The following KDM4C variants were observed in gnomAD, a reference collection of about 807,000 sequenced individuals.
The protein encoded by KDM4C is lysine-specific demethylase 4C.
In KDM4C, 81 loss-of-function variants were observed where a neutral mutation model predicts 129.3. The ratio of observed to expected loss-of-function variants is 0.63; its 90% CI spans 0.52 to 0.75. The LOEUF (loss-of-function observed/expected upper bound fraction) is 0.75, where lower values mean the gene tolerates loss of function less well. KDM4C is among the 30% of genes least tolerant of loss of function. KDM4C has a pLI of 0.00. For synonymous variants in KDM4C, 573 were observed against 456.1 expected (o/e 1.26, Z -3.26); for missense variants, 1,457 against 1,304.0 (o/e 1.12, Z -1.81).
intron 3 of KDM4C, among the ~76,000 whole-genome samples, chr9:6,812,224 A>G (rs1209212028): frequency 5.3e-5 from 8 of 151,552 alleles, no homozygotes; most frequent in African/African-American, 1.9e-4. Context: ...GTGACAGAAC[A>G]AGACTCTCAA....
chr9:6,755,456 G>A (rs1293560155), upstream of KDM4C, among the ~76,000 whole-genome samples: 1 of 150,670 alleles, frequency 6.6e-6, no homozygotes, highest in Non-Finnish European at 1.5e-5. Context: ...CACAAGGCAC[G>A]AGAATTGCTT....
At chr9:6,995,832 C>A (rs369819904) in intron 12 of KDM4C, among the ~76,000 whole-genome samples, 1 of 152,170 alleles carries the variant, frequency 6.6e-6, no homozygotes, top group South Asian at 2.1e-4. Flanking sequence ...CCACCACGCC[C>A]GGCTAATTTT....
At chr9:7,106,632 C>T (rs1817879158) in intron 18 of KDM4C, among the ~76,000 whole-genome samples, 1 of 152,054 alleles carries the variant, frequency 6.6e-6, no homozygotes, top group African/African-American at 2.4e-5. Context: ...GAAAATTCAA[C>T]TATTCCATTA....
intron 1 of KDM4C, among the ~76,000 whole-genome samples, chr9:6,776,173 C>T (rs968502549): frequency 6.6e-6 from 1 of 152,202 alleles, no homozygotes; most frequent in Non-Finnish European, 1.5e-5. Flanking sequence ...AAGCCTTGAA[C>T]TCCTGGGCTC....
At chr9:6,953,186 T>C (rs902060272) in intron 8 of KDM4C, among the ~76,000 whole-genome samples, 17 of 152,238 alleles carry the variant, frequency 1.1e-4, no homozygotes, top group African/African-American at 4.1e-4. Flanking sequence ...TGGATATTTA[T>C]TATGAAAAGC....
chr9:7,132,483 T>G (rs943822004), intron 19 of KDM4C, among the ~76,000 whole-genome samples: 1 of 152,114 alleles, frequency 6.6e-6, no homozygotes, highest in Non-Finnish European at 1.5e-5. Flanking sequence ...TGCAAAAAAT[T>G]CTTTCTCAAC....
At chr9:6,933,123 T>C (rs1001402801) in intron 8 of KDM4C, among the ~76,000 whole-genome samples, 7 of 152,358 alleles carry the variant, frequency 4.6e-5, no homozygotes, top group Middle Eastern at 6.8e-3. Context: ...TAATACTATA[T>C]TTAAATGACA....
intron 19 of KDM4C, among the ~76,000 whole-genome samples, chr9:7,136,569 C>T (rs113288043): frequency 3.3e-5 from 5 of 152,316 alleles, no homozygotes; most frequent in African/African-American, 1.2e-4. Flanking sequence ...TTATGTTTCC[C>T]TATTGACTAA....
intron 8 of KDM4C, among the ~76,000 whole-genome samples, chr9:6,952,063 A>G (rs1369894832): frequency 6.6e-6 from 1 of 152,204 alleles, no homozygotes; most frequent in Non-Finnish European, 1.5e-5. Flanking sequence ...GGGCTTAAAA[A>G]ATACATTGTT....
chr9:6,863,288 G>A (rs1480593929), intron 5 of KDM4C, among the ~76,000 whole-genome samples: 1 of 152,010 alleles, frequency 6.6e-6, no homozygotes, highest in African/African-American at 2.4e-5. Context: ...GCTTCATACT[G>A]GAGTTATGTG....
chr9:6,784,699 C>T (rs1053682748), intron 1 of KDM4C, among the ~76,000 whole-genome samples: 1 of 152,144 alleles, frequency 6.6e-6, no homozygotes, highest in Non-Finnish European at 1.5e-5. Flanking sequence ...TGGGATGAAA[C>T]GGATGAAATA....
At chr9:6,957,418 C>G (rs1829258138) in intron 8 of KDM4C, among the ~76,000 whole-genome samples, 1 of 152,138 alleles carries the variant, frequency 6.6e-6, no homozygotes, top group African/African-American at 2.4e-5. Context: ...TTGAAACTCT[C>G]TTATGGGACC....
intron 15 of KDM4C, among the ~76,000 whole-genome samples, chr9:7,032,002 A>G (rs570715311): frequency 5.9e-5 from 9 of 152,314 alleles, no homozygotes; most frequent in East Asian, 5.8e-4. Context: ...CTACTTTCCA[A>G]CCTTAAGTTT....
rs118021384 is a variant in KDM4C at position 7,029,111 on chromosome 9, C to T, written c.2259+13182C>T. On this transcript the variant is annotated intron_variant, in intron 15 of 21. Coordinates refer to ENST00000381309, the MANE Select transcript of KDM4C (RefSeq NM_015061.6). ...ATGATTCGTGGAGCCTTCTATTTGG[C>T]CATCTTGTTCTGCCCTGTCTCCAAA... Among the ~76,000 whole-genome samples the T allele has an allele frequency of 2.3e-3, 351 of 152,208 alleles. 8 individuals are homozygous for T. In the East Asian group the frequency reaches 0.027, roughly 12 times the overall value.
intron 1 of KDM4C, among the ~76,000 whole-genome samples, chr9:6,722,706 T>C (rs1469063660): frequency 6.6e-6 from 1 of 151,824 alleles, no homozygotes; most frequent in Non-Finnish European, 1.5e-5. Flanking sequence ...AGAGATGGGG[T>C]TTCTCCATGT....
chr9:6,812,481 G>A (rs1350590627), intron 3 of KDM4C, among the ~76,000 whole-genome samples: 1 of 152,142 alleles, frequency 6.6e-6, no homozygotes, highest in African/African-American at 2.4e-5. Context: ...GTGGTGGGAT[G>A]GTTTCGGGAT....
chr9:6,922,122 T>C (rs1821634140), intron 8 of KDM4C, among the ~76,000 whole-genome samples: 1 of 152,212 alleles, frequency 6.6e-6, no homozygotes, highest in South Asian at 2.1e-4. Context: ...GCTGCATGAA[T>C]GAATGAATGT....
chr9:6,933,930 A>G (rs948098922), intron 8 of KDM4C, among the ~76,000 whole-genome samples: 21 of 151,526 alleles, frequency 1.4e-4, no homozygotes, highest in East Asian at 3.9e-4. Flanking sequence ...GCTCATGACA[A>G]TCTCCACCTG....
intron 3 of KDM4C, 56 bp downstream of exon 3, chr9:6,805,830 T>C: frequency 6.6e-7 from 1 of 1,504,380 alleles, no homozygotes; most frequent in Non-Finnish European, 9.0e-7. Flanking sequence ...GTAAATATGT[T>C]AAGAAACAAA....
Sources: allele counts gnomAD v4.1 joint callset (sites outside exome capture counted in the v4.1 genomes callset), GRCh38; gene constraint gnomAD v4.1.1; transcripts MANE v1.5; gene names NCBI Gene and HGNC (gene_info 2026-07-23, HGNC 2026-07-21).